Variants in EPHA6 observed in about 807,000 individuals in gnomAD.
EPHA6 encodes ephrin type-A receptor 6.
A neutral mutation model predicts 112.0 loss-of-function variants in EPHA6; 50 were observed. The ratio of observed to expected loss-of-function variants is 0.45; its 90% confidence interval spans 0.36 to 0.56. The LOEUF (loss-of-function observed/expected upper bound fraction) is 0.56. Among genes scored for constraint, EPHA6 ranks in the 20% least tolerant of loss-of-function variants. The pLI is 0.00. For missense variants in EPHA6, 1,280 were observed against 1,417.4 expected (o/e 0.90, Z 1.56); for synonymous variants, 529 against 490.7 (o/e 1.08, Z -1.03).
At chr3:97,060,898 T>TG (rs2045998636) in intron 3 of EPHA6, among the ~76,000 whole-genome samples, 1 of 116,476 alleles carries the variant, frequency 8.6e-6, no homozygotes, top group African/African-American at 3.4e-5. Context: ...CATTCCAGCC[T>TG]GGGCGACAGA....
intron 15 of EPHA6, among the ~76,000 whole-genome samples, chr3:97,721,690 G>A (rs2034535779): frequency 1.3e-5 from 2 of 152,166 alleles, no homozygotes; most frequent in African/African-American, 4.8e-5. Flanking sequence ...GCAACACTTA[G>A]ACTTTTTGGA....
chr3:96,967,061 A>G (rs2042147073), intron 2 of EPHA6, among the ~76,000 whole-genome samples: 1 of 151,800 alleles, frequency 6.6e-6, no homozygotes, highest in African/African-American at 2.4e-5. Context: ...CTAAACATTC[A>G]TAAGTCATGA....
intron 5 of EPHA6, among the ~76,000 whole-genome samples, chr3:97,353,843 A>T (rs887059163): frequency 6.6e-6 from 1 of 152,190 alleles, no homozygotes; most frequent in African/African-American, 2.4e-5. Flanking sequence ...TGCTAGCTTC[A>T]GGTAAGACTC....
At chr3:97,223,734 C>A (rs2078270851) in intron 3 of EPHA6, among the ~76,000 whole-genome samples, 1 of 152,110 alleles carries the variant, frequency 6.6e-6, no homozygotes, top group African/African-American at 2.4e-5. Context: ...AAGGGCAAAG[C>A]CTTAACGGAG....
At chr3:97,323,442 G>A (rs1351751292) in intron 5 of EPHA6, among the ~76,000 whole-genome samples, 1 of 151,794 alleles carries the variant, frequency 6.6e-6, no homozygotes, top group African/African-American at 2.4e-5. Context: ...AATGAGGGAT[G>A]GAAGAATATT....
chr3:96,889,313 C>G (rs925651432), intron 2 of EPHA6, among the ~76,000 whole-genome samples: 1 of 152,154 alleles, frequency 6.6e-6, no homozygotes, highest in Non-Finnish European at 1.5e-5. Flanking sequence ...CAGCAACACC[C>G]CACTCTACAG....
chr3:97,584,388 A>T (rs143260678), intron 11 of EPHA6, among the ~76,000 whole-genome samples: 65 of 152,274 alleles, frequency 4.3e-4, no homozygotes, highest in Non-Finnish European at 8.2e-4. Context: ...CAAGAGATGT[A>T]TTTTATTTGA....
intron 6 of EPHA6, among the ~76,000 whole-genome samples, chr3:97,442,866 G>A (rs908528640): frequency 6.6e-6 from 1 of 152,006 alleles, no homozygotes; most frequent in African/African-American, 2.4e-5. Flanking sequence ...ATTGTTAAAG[G>A]CTGACCAAAT....
intron 3 of EPHA6, among the ~76,000 whole-genome samples, chr3:97,108,653 AC>A (rs2047636146): frequency 6.6e-6 from 1 of 152,156 alleles, no homozygotes; most frequent in Non-Finnish European, 1.5e-5. Flanking sequence ...TTGAGAAGAT[AC>A]AGGCAGAAAA....
chr3:96,944,402 A>G (rs966016879), intron 2 of EPHA6, among the ~76,000 whole-genome samples: 9 of 151,322 alleles, frequency 5.9e-5, no homozygotes, highest in Admixed American at 4.6e-4. Context: ...ATTATCATAT[A>G]TGGTCCATAT....
intron 5 of EPHA6, among the ~76,000 whole-genome samples, chr3:97,275,439 A>G (rs1559845339): frequency 6.6e-6 from 1 of 152,142 alleles, no homozygotes; most frequent in Non-Finnish European, 1.5e-5. Context: ...AAGGGTGGAA[A>G]GGGATAGTAA....
chr3:97,518,638 A>G (rs764293002), intron 10 of EPHA6, among the ~76,000 whole-genome samples: 1 of 151,768 alleles, frequency 6.6e-6, no homozygotes. Flanking sequence ...ATCCTCACCA[A>G]CACCTATTAT....
chr3:97,606,830 A>G (rs1029925976), intron 12 of EPHA6, among the ~76,000 whole-genome samples: 1 of 151,200 alleles, frequency 6.6e-6, no homozygotes, highest in Non-Finnish European at 1.5e-5. Flanking sequence ...CAACAGAAAC[A>G]TGGAAGGTAG....
chr3:96,880,214 A>T (rs2037228821), intron 2 of EPHA6, among the ~76,000 whole-genome samples: 2 of 152,290 alleles, frequency 1.3e-5, no homozygotes, highest in South Asian at 4.1e-4. Context: ...TTTGATTATT[A>T]CATAATGTAT....
rs973907256 is a variant in EPHA6 at position 97,320,830 on chromosome 3, A to AT, written c.1606+76543_1606+76544insT. ...TTCTCTGGGGGCAAAAAATAAAAAA[A>AT]ATAAAAAAAAAGGGATGAATTTAAT... On this transcript the variant is annotated intron_variant, in intron 5 of 17. Transcript: ENST00000389672. Among the ~76,000 whole-genome samples, 48 of 140,190 alleles carry AT rather than the reference A, an allele frequency of 3.4e-4. 3 individuals carry two copies. Among genetic ancestry groups the AT allele is most frequent in the African/African-American group, 1.5e-3 (48 of 32,274 alleles). The allele number at this position is 140,190 out of a possible 152,430, so 92.0% of individuals were successfully genotyped here.
At chr3:97,675,974 A>C (rs968979068) in intron 14 of EPHA6, among the ~76,000 whole-genome samples, 2 of 152,190 alleles carry the variant, frequency 1.3e-5, no homozygotes, top group Non-Finnish European at 2.9e-5. Context: ...GAAAATTCCA[A>C]GGCTTCCTGG....
intron 11 of EPHA6, among the ~76,000 whole-genome samples, chr3:97,568,317 G>T (rs1433957104): frequency 6.6e-6 from 1 of 152,104 alleles, no homozygotes; most frequent in Non-Finnish European, 1.5e-5. Flanking sequence ...TTATCCTCCA[G>T]TTCATCCTAT....
At chr3:97,181,079 G>A (rs371090335) in intron 3 of EPHA6, among the ~76,000 whole-genome samples, 1 of 152,084 alleles carries the variant, frequency 6.6e-6, no homozygotes, top group East Asian at 1.9e-4. Flanking sequence ...TCTGGCTGGT[G>A]TTGGTTTAAA....
At chr3:97,735,070 A>G (rs778761414) in intron 15 of EPHA6, among the ~76,000 whole-genome samples, 2 of 152,040 alleles carry the variant, frequency 1.3e-5, no homozygotes, top group Non-Finnish European at 2.9e-5. Flanking sequence ...TGTTCCATAG[A>G]GTAGCCATTA....
Sources: allele counts gnomAD v4.1 joint callset (sites outside exome capture counted in the v4.1 genomes callset), GRCh38; gene constraint gnomAD v4.1.1; transcripts MANE v1.5; gene names NCBI Gene and HGNC (gene_info 2026-07-23, HGNC 2026-07-21).